ASS1: variants seen among roughly 807,000 people sequenced by gnomAD.
The protein encoded by ASS1 is argininosuccinate synthase 1, also known as argininosuccinate synthase.
A neutral mutation model predicts 60.5 loss-of-function variants in ASS1; 58 were observed. The observed-to-expected ratio is 0.96, with a 90% CI of 0.78 to 1.19. The LOEUF is 1.19. Ranked by LOEUF, ASS1 falls within the 50% of genes most tolerant of loss-of-function variation. The probability of loss-of-function intolerance (pLI) is 0.00; values close to 1 mark genes in which losing one functional copy is unlikely to be tolerated. For synonymous variants in ASS1, 200 were observed against 206.9 expected (o/e 0.97, Z 0.29); for missense variants, 454 against 547.3 (o/e 0.83, Z 1.70).
chr9:130,490,201 T>C (rs1462750033), intron 12 of ASS1, among the ~76,000 whole-genome samples: 1 of 152,260 alleles, frequency 6.6e-6, no homozygotes, highest in South Asian at 2.1e-4. Flanking sequence ...CCAACCCTCA[T>C]GTGGTGTAAC....
chr9:130,498,132 G>A (rs1009637770), intron 13 of ASS1, among the ~76,000 whole-genome samples: 2 of 152,244 alleles, frequency 1.3e-5, no homozygotes, highest in Non-Finnish European at 1.5e-5. Context: ...ACAAATCACT[G>A]GGGCCAGGCA....
chr9:130,496,360 G>A (rs1459065891), intron 13 of ASS1, among the ~76,000 whole-genome samples: 12 of 152,134 alleles, frequency 7.9e-5, no homozygotes, highest in Middle Eastern at 3.4e-3. Context: ...GATCAAGGGC[G>A]CATTGAGCCA....
At chr9:130,480,560 T>C (rs935822461) in intron 11 of ASS1, 111 bp downstream of exon 11, 19 of 1,193,172 alleles carry the variant, frequency 1.6e-5, no homozygotes, top group Non-Finnish European at 2.3e-5. Flanking sequence ...GTGGGCGACC[T>C]TGGGCACGTC....
At chr9:130,465,267 C>T (rs1018391261) in intron 5 of ASS1, among the ~76,000 whole-genome samples, 4 of 151,860 alleles carry the variant, frequency 2.6e-5, no homozygotes, top group African/African-American at 9.7e-5. Flanking sequence ...GATCTGCCCG[C>T]CTTGGGCTCC....
chr9:130,454,485 C>T, intron 3 of ASS1, 112 bp downstream of exon 3: 3 of 1,177,016 alleles, frequency 2.5e-6, no homozygotes, highest in South Asian at 2.7e-5. Context: ...CTTCTTGCTT[C>T]TAAGAGTATG....
intron 11 of ASS1, among the ~76,000 whole-genome samples, chr9:130,483,676 C>T (rs1419471634): frequency 6.8e-6 from 1 of 147,634 alleles, no homozygotes; most frequent in Non-Finnish European, 1.5e-5. Context: ...AGACTTCTCC[C>T]GCCGCTCTCC....
In ASS1 at chr9:130,494,785, C is replaced by T; in HGVS notation, c.971-82C>T. ...CTGCATGGCGGGGTAAACCATGGGG[C>T]ACCCTTCCTGTGCCCCAGGTCTCCC... On this transcript the variant is annotated intron_variant, in intron 12 of 14. Transcript: ENST00000352480. The surrounding 1 kb of genome is among the most constrained non-coding windows in gnomAD (Gnocchi z 4.3). The T allele has an allele frequency of 1.3e-6, 2 of 1,560,906 alleles. No homozygotes were observed. Among genetic ancestry groups the T allele is most frequent in the Non-Finnish European group, 1.8e-6 (2 of 1,134,918 alleles).
intron 12 of ASS1, among the ~76,000 whole-genome samples, chr9:130,490,842 C>A (rs1362680419): frequency 6.6e-6 from 1 of 152,118 alleles, no homozygotes; most frequent in Non-Finnish European, 1.5e-5. Context: ...CCTTCCCACC[C>A]ACCTCCATAA....
chr9:130,499,554 A>G lies in ASS1; in HGVS notation c.1177A>G (p.Asn393Asp). ...GCCAACTGATGCCACCGGGTTCATC[A>G]ACATCAATTCCCTCAGGTGAGAAGC... ...YEPTDATGFI[N>D]INSLRLKEYH... The change falls in exon 14 of 15, where the codon AAC becomes GAC. Residue 393 changes from asparagine to aspartate, a missense_variant. Asn to Asp is a conservative substitution (Grantham distance 23, BLOSUM62 1). Coordinates refer to ENST00000352480, the MANE Select transcript of ASS1 (RefSeq NM_054012.4). The G allele has an allele frequency of 6.2e-7, 1 of 1,613,710 alleles. No individual in the cohort carries two copies. The highest frequency in any genetic ancestry group is 2.2e-5 in the East Asian group (1 of 44,860).
intron 11 of ASS1, among the ~76,000 whole-genome samples, chr9:130,483,382 G>A (rs910332587): frequency 6.6e-6 from 1 of 151,552 alleles, no homozygotes; most frequent in Non-Finnish European, 1.5e-5. Flanking sequence ...GTTGGGCAGC[G>A]CCAGTGCCCT....
At chr9:130,486,366 C>T (rs1846306624) in intron 11 of ASS1, among the ~76,000 whole-genome samples, 1 of 152,154 alleles carries the variant, frequency 6.6e-6, no homozygotes, top group Non-Finnish European at 1.5e-5. Context: ...TCTGGGATTA[C>T]AGGTGTGAGC....
chr9:130,466,907 C>A, intron 6 of ASS1, 108 bp downstream of exon 6: 1 of 1,285,182 alleles, frequency 7.8e-7, no homozygotes, highest in Admixed American at 1.9e-5. Context: ...GGACTGACCC[C>A]ATGTGATGGG....
At chr9:130,496,411 AC>A (rs1456485743) in intron 13 of ASS1, among the ~76,000 whole-genome samples, 2 of 151,514 alleles carry the variant, frequency 1.3e-5, no homozygotes, top group Non-Finnish European at 2.9e-5. Context: ...ACACAGCAAA[AC>A]CCTGTCTCAA....
chr9:130,445,347 G>A (rs1845171386), intron 1 of ASS1: 1 of 637,546 alleles, frequency 1.6e-6, no homozygotes, highest in Non-Finnish European at 2.0e-6. Flanking sequence ...GTGTCGTGAA[G>A]CCCCCACATG....
At chr9:130,465,054 ATATTTT>A (rs1360302380) in intron 5 of ASS1, among the ~76,000 whole-genome samples, 8 of 71,946 alleles carry the variant, frequency 1.1e-4, no homozygotes, top group African/African-American at 5.3e-4. Context: ...ATATATATAT[ATATTTT>A]TTTTTTTTCT....
At chr9:130,465,056 A>ATATATATATTTTTTTTTTTTTTTTTTTT (rs1479147331) in intron 5 of ASS1, among the ~76,000 whole-genome samples, 1 of 120,146 alleles carries the variant, frequency 8.3e-6, no homozygotes, top group African/African-American at 3.6e-5. Context: ...ATATATATAT[A>ATATATATATTTTTTTTTTTTTTTTTTTT]TTTTTTTTTT....
At chr9:130,480,655 T>G (rs1387613035) in intron 11 of ASS1, among the ~76,000 whole-genome samples, 1 of 152,208 alleles carries the variant, frequency 6.6e-6, no homozygotes, top group Non-Finnish European at 1.5e-5. Context: ...CAGGGTGTTA[T>G]GAGAAGAGCT....
intron 3 of ASS1, 61 bp downstream of exon 3, chr9:130,454,434 T>G: frequency 2.7e-6 from 4 of 1,507,014 alleles, no homozygotes; most frequent in Non-Finnish European, 2.7e-6. Flanking sequence ...AGGGCAGTGG[T>G]GGATGCTCCT....
In ASS1 at chr9:130,476,978, T is replaced by C; in HGVS notation, c.688+17T>C. The C allele has an allele frequency of 6.2e-7, 1 of 1,610,406 alleles. No individual in the cohort carries two copies. Among genetic ancestry groups the C allele is most frequent in the South Asian group, 1.1e-5 (1 of 91,006 alleles). On this transcript the variant is annotated intron_variant, in intron 9 of 14. Coordinates refer to ENST00000352480, the MANE Select transcript of ASS1 (RefSeq NM_054012.4). The surrounding 1 kb of genome is among the most constrained non-coding windows in gnomAD (Gnocchi z 4.9). ...TCAAAAAAGGTATGTGCCCACCTGT[T>C]GGGACTCGAAGGGGGTTGACTTTTG...
Sources: gnomAD v4.1 joint callset for allele counts (sites outside exome capture counted in the v4.1 genomes callset) on GRCh38, gnomAD v4.1.1 for gene constraint, Gnocchi (gnomAD v3.1) non-coding constraint, MANE v1.5 for transcripts, NCBI Gene and HGNC (gene_info 2026-07-23, HGNC 2026-07-21) for gene names.